TMEM232: variants seen among roughly 807,000 people sequenced by gnomAD.
TMEM232 encodes transmembrane protein 232.
In TMEM232, 80 loss-of-function variants were observed where a neutral mutation model predicts 78.8. That is an observed-to-expected ratio of 1.01 (90% CI 0.85 to 1.22). TMEM232 has a LOEUF of 1.22. TMEM232 is among the 50% of genes most tolerant of loss of function. TMEM232 has a pLI of 0.00. For missense variants in TMEM232, 881 were observed against 742.2 expected, an observed-to-expected ratio of 1.19 and a Z score of -2.17; for synonymous variants, 297 against 254.3, an observed-to-expected ratio of 1.17 and a Z score of -1.60.
intron 10 of TMEM232, among the ~76,000 whole-genome samples, chr5:110,597,721 C>G (rs1242932848): frequency 1.2e-4 from 18 of 151,750 alleles, no homozygotes; most frequent in Admixed American, 3.9e-4. Context: ...ATATCTACAA[C>G]TATCTGATCT....
chr5:110,703,185 C>T (rs762568145), intron 1 of TMEM232, among the ~76,000 whole-genome samples: 4 of 151,862 alleles, frequency 2.6e-5, no homozygotes, highest in East Asian at 1.9e-4. Context: ...AAAGGAGCTC[C>T]GTGAAACTCA....
intron 11 of TMEM232, among the ~76,000 whole-genome samples, chr5:110,556,492 A>C (rs6894665): frequency 0.065 from 9,874 of 151,846 alleles, 998 homozygotes; most frequent in African/African-American, 0.21. Context: ...GAATCAAGCA[A>C]TCCTCCCACC....
At chr5:110,583,289 G>A (rs1778413270) in intron 10 of TMEM232, among the ~76,000 whole-genome samples, 1 of 151,822 alleles carries the variant, frequency 6.6e-6, no homozygotes, top group South Asian at 2.1e-4. Flanking sequence ...CCAGCCTAAA[G>A]ACTGATATAT....
rs565374249 is a variant in TMEM232, at chr5:110,642,362, A to G, written c.135T>C (p.Phe45=). Residue 45 remains phenylalanine, a synonymous_variant, in exon 3 of 14, where the codon TTT becomes TTC. Coordinates refer to ENST00000455884, the MANE Select transcript of TMEM232 (RefSeq NM_001039763.4). ...GERGHKSRPT[F]SITKEFILRF... ...TCAAGATGAATTCTTTTGTGATTGA[A>G]AATGTTGGCCTAAATAAAACATTGA... 2.6e-6 allele frequency: 4 copies of G among 1,513,148 alleles called. No homozygotes were observed. Among genetic ancestry groups the G allele is most frequent in the Admixed American group, 4.6e-5 (2 of 43,334 alleles). The allele number at this position is 1,513,148 out of a possible 1,614,324, so 93.7% of individuals were successfully genotyped here. A position where few individuals can be genotyped will look rare whatever the true frequency, so the allele number is the denominator to read the frequency against.
intron 7 of TMEM232, among the ~76,000 whole-genome samples, chr5:110,619,354 G>T (rs1383778602): frequency 6.6e-6 from 1 of 152,070 alleles, no homozygotes; most frequent in African/African-American, 2.4e-5. Flanking sequence ...GTACTTTTCA[G>T]ATAGAAAGCA....
At chr5:110,388,043 G>C (rs1343428081) in exon 5 of TMEM232, 4 of 152,140 alleles carry the variant, frequency 2.6e-5, no homozygotes, top group Non-Finnish European at 4.4e-5. Context: ...TTAAGGAGCG[G>C]AAAGTTTAAT....
chr5:110,611,304 A>G (rs1480974254), intron 8 of TMEM232, among the ~76,000 whole-genome samples: 3 of 152,146 alleles, frequency 2.0e-5, no homozygotes, highest in African/African-American at 7.2e-5. Context: ...GAATAAATTT[A>G]CCTTGCCATT....
intron 1 of TMEM232, among the ~76,000 whole-genome samples, chr5:110,699,994 A>G (rs1795244789): frequency 1.3e-5 from 2 of 152,084 alleles, no homozygotes; most frequent in Non-Finnish European, 2.9e-5. Flanking sequence ...ATTTATAACA[A>G]TTAATTTATA....
chr5:110,520,822 G>A (rs1407294376), intron 12 of TMEM232, among the ~76,000 whole-genome samples: 2 of 152,168 alleles, frequency 1.3e-5, no homozygotes, highest in South Asian at 2.1e-4. Flanking sequence ...GGAGGCTGAG[G>A]CAGGAGAATC....
At chr5:110,510,943 G>C (rs537955570) in intron 12 of TMEM232, among the ~76,000 whole-genome samples, 20 of 152,078 alleles carry the variant, frequency 1.3e-4, no homozygotes, top group African/African-American at 3.6e-4. Flanking sequence ...CTCATTACTG[G>C]GTATATACGC....
At position 110,565,390 on chromosome 5, in the gene TMEM232, A is replaced by T. The variant is rs369675757; in HGVS notation, c.1455+3057T>A. Among the ~76,000 whole-genome samples, 7 of 152,066 alleles carry T rather than the reference A, an allele frequency of 4.6e-5. No homozygotes were observed. The South Asian group carries it at 1.2e-3, about 27-fold the overall frequency. On this transcript the variant is annotated intron_variant, in intron 11 of 13. Coordinates refer to ENST00000455884, the MANE Select transcript of TMEM232 (RefSeq NM_001039763.4). ...TAAAAATATGCCCAAGGTCACTTAG[A>T]TACTCTGTGGTAGAACAGCCATTTG...
chr5:110,658,070 A>C (rs1053513630), intron 2 of TMEM232, among the ~76,000 whole-genome samples: 5 of 152,136 alleles, frequency 3.3e-5, no homozygotes, highest in African/African-American at 4.8e-5. Context: ...CAGATTTAAC[A>C]ATCTGAAGGG....
In TMEM232 at chr5:110,638,068, T is replaced by C. The variant is rs1050765775; in HGVS notation, c.501+130A>G. 4.2e-6 allele frequency: 3 copies of C among 713,078 alleles called. No individual in the cohort carries two copies. The African/African-American group carries it at 5.5e-5, about 13-fold the overall frequency. The allele number at this position is 713,078 out of a possible 1,614,324, so 44.2% of individuals were successfully genotyped here. ...ACGTACTACTCACAATTAGAGAAGA[T>C]TAAACTACCAAACAAAAGAATATTC... On this transcript the variant is annotated intron_variant, in intron 5 of 13. Coordinates refer to ENST00000455884, the MANE Select transcript of TMEM232 (RefSeq NM_001039763.4).
At chr5:110,702,537 C>T (rs191193971) in intron 1 of TMEM232, among the ~76,000 whole-genome samples, 125 of 152,148 alleles carry the variant, frequency 8.2e-4, no homozygotes, top group African/African-American at 2.8e-3. Context: ...ACTCTCTCAT[C>T]CACATGTTAC....
intron 5 of TMEM232, among the ~76,000 whole-genome samples, chr5:110,630,577 CCTT>C (rs1163541899): frequency 6.6e-6 from 1 of 152,156 alleles, no homozygotes; most frequent in South Asian, 2.1e-4. Context: ...CTCTCTCTCT[CCTT>C]CTCTAACATG....
At chr5:110,447,970 G>A (rs1759849395) in intron 12 of TMEM232, among the ~76,000 whole-genome samples, 1 of 151,980 alleles carries the variant, frequency 6.6e-6, no homozygotes, top group Non-Finnish European at 1.5e-5. Flanking sequence ...CATTGAAGAA[G>A]TATTCAAAGA....
At chr5:110,670,303 T>C (rs1218033428) in intron 1 of TMEM232, among the ~76,000 whole-genome samples, 1 of 152,168 alleles carries the variant, frequency 6.6e-6, no homozygotes, top group Non-Finnish European at 1.5e-5. Context: ...ACAAAATCAA[T>C]GTGCAAAAAT....
At chr5:110,619,011 G>A (rs1783302734) in intron 7 of TMEM232, among the ~76,000 whole-genome samples, 1 of 152,182 alleles carries the variant, frequency 6.6e-6, no homozygotes, top group Admixed American at 6.5e-5. Flanking sequence ...CATCGTCAAT[G>A]TCTGTTAAGT....
intron 1 of TMEM232, among the ~76,000 whole-genome samples, chr5:110,711,885 T>C (rs182241426): frequency 6.6e-6 from 1 of 151,984 alleles, no homozygotes; most frequent in East Asian, 1.9e-4. Flanking sequence ...GGTGGGCAGA[T>C]CACGAAGTCA....
Sources: gnomAD v4.1 joint callset for allele counts (sites outside exome capture counted in the v4.1 genomes callset) on GRCh38, gnomAD v4.1.1 for gene constraint, MANE v1.5 for transcripts, NCBI Gene and HGNC (gene_info 2026-07-23, HGNC 2026-07-21) for gene names.